The following MTRFR variants were observed in gnomAD, a reference collection of about 807,000 sequenced individuals.
MTRFR encodes the protein probable peptide chain release factor C12orf65, mitochondrial.
A neutral mutation model predicts 11.9 loss-of-function variants in MTRFR; 10 were observed. The observed-to-expected ratio is 0.84, with a 90% confidence interval of 0.52 to 1.42. The LOEUF is 1.42. Ranked by LOEUF, MTRFR falls within the 40% of genes most tolerant of loss-of-function variation. MTRFR has a pLI of 0.00. For missense variants in MTRFR, 196 were observed against 197.9 expected (o/e 0.99, Z 0.06); for synonymous variants, 77 against 79.1 (o/e 0.97, Z 0.14).
rs2048150273 is a variant in MTRFR, at chr12:123,253,954, A to G, written c.280A>G (p.Lys94Glu). ...GCACATCCCCTCAGGCATCGTTGTAAAGGTAGATCACAGAAGGCCGCTGAG... is the reference window on the plus strand; with the variant it reads ...GCACATCCCCTCAGGCATCGTTGTAGAGGTAGATCACAGAAGGCCGCTGAG... ...LKHIPSGIVV[K>E]CHQTRSVDQN... Residue 94 changes from lysine (K) to glutamate (E), a missense_variant and splice_region_variant, in exon 2 of 3, where the codon AAG becomes GAG. Transcript: ENST00000253233. 1.1e-5 allele frequency: 18 copies of G among 1,614,154 alleles called. No homozygotes were observed. The highest frequency in any genetic ancestry group is 1.5e-5 in the Non-Finnish European group (18 of 1,180,012).
At chr12:123,251,200 GC>G (rs2048107554) in intron 1 of MTRFR, 1 of 152,352 alleles carries the variant, frequency 6.6e-6, no homozygotes. Flanking sequence ...CCCCACAACT[GC>G]CCCGAGTCTG....
chr12:123,247,514 C>T (rs1593281968), intron 1 of MTRFR, among the ~76,000 whole-genome samples: 1 of 152,154 alleles, frequency 6.6e-6, no homozygotes, highest in East Asian at 1.9e-4. Flanking sequence ...TTTTTCCACC[C>T]CTTTAAGTTT....
At position 123,256,931 on chromosome 12, in the gene MTRFR, C is replaced by T. The variant is rs777262448; in HGVS notation, c.401C>T (p.Ala134Val). The T allele has an allele frequency of 9.3e-6, 15 of 1,612,784 alleles. No individual in the cohort carries two copies. In the East Asian group the frequency reaches 1.3e-4, roughly 14 times the overall value. ...CCTGTTCACAAAGAAAAACGAGAAG[C>T]GGCGAAGAAAAAACAAGAAAGGAAA... ...NSPVHKEKREAAKKKQERKKR... is the reference protein window; with the variant it reads ...NSPVHKEKREVAKKKQERKKR... Residue 134 changes from alanine to valine, a missense_variant, in exon 3 of 3, where the codon GCG becomes GTG. Physicochemically the swap from Ala to Val is moderately conservative, Grantham distance 64. Transcript: ENST00000253233.
At chr12:123,235,280 G>A (rs946183965) in intron 1 of MTRFR, among the ~76,000 whole-genome samples, 2 of 152,190 alleles carry the variant, frequency 1.3e-5, no homozygotes, top group South Asian at 4.1e-4. Context: ...GTGGCATTGA[G>A]ACATTGAACG....
chr12:123,243,268 C>T (rs1379498065), intron 1 of MTRFR, among the ~76,000 whole-genome samples: 2 of 151,552 alleles, frequency 1.3e-5, no homozygotes, highest in African/African-American at 4.9e-5. Flanking sequence ...CAATGGCTCA[C>T]GCCTGTAATC....
intron 2 of MTRFR, among the ~76,000 whole-genome samples, chr12:123,256,048 G>A (rs753474858): frequency 3.9e-5 from 6 of 152,158 alleles, no homozygotes; most frequent in African/African-American, 9.7e-5. Flanking sequence ...TTATAGGTGT[G>A]AGCCACTATG....
chr12:123,243,039 G>A (rs1302051214), intron 1 of MTRFR, among the ~76,000 whole-genome samples: 1 of 152,176 alleles, frequency 6.6e-6, no homozygotes, highest in Non-Finnish European at 1.5e-5. Context: ...TCGTAGGTAA[G>A]GTGATTCTTA....
At chr12:123,241,399 G>A (rs749093283) in intron 1 of MTRFR, among the ~76,000 whole-genome samples, 4 of 152,096 alleles carry the variant, frequency 2.6e-5, no homozygotes, top group South Asian at 4.1e-4. Flanking sequence ...GCGCAATGGC[G>A]TGATCTCGGC....
intron 1 of MTRFR, among the ~76,000 whole-genome samples, chr12:123,242,061 G>C (rs569443502): frequency 6.6e-6 from 1 of 152,324 alleles, no homozygotes; most frequent in African/African-American, 2.4e-5. Flanking sequence ...TAGGCTCTCT[G>C]AAGCCCATGC....
intron 1 of MTRFR, among the ~76,000 whole-genome samples, chr12:123,243,529 C>T (rs1458684619): frequency 8.5e-6 from 1 of 117,794 alleles, no homozygotes; most frequent in Admixed American, 8.4e-5. Context: ...GACTCCGTCT[C>T]AAAAAAAAAA....
rs185284989 is a variant in MTRFR at position 123,255,582 on chromosome 12, G to A, written c.283-1231G>A. ...AGCAATCCTCCCGCCTCGGCCTCCC[G>A]AGTAGCTGGGACTGCAGGCATGCCC... On this transcript the variant is annotated intron_variant, in intron 2 of 2. Transcript: ENST00000253233. Among the ~76,000 whole-genome samples the A allele has an allele frequency of 9.4e-3, 1,426 of 151,940 alleles. 10 individuals carry two copies. The highest frequency in any genetic ancestry group is 0.019 in the South Asian group (93 of 4,812).
At chr12:123,254,101 G>T (rs1593287912) in intron 2 of MTRFR, 145 bp downstream of exon 2, 2 of 927,668 alleles carry the variant, frequency 2.2e-6, no homozygotes, top group Non-Finnish European at 3.2e-6. Context: ...GCAGTAGAGA[G>T]CACCGCAGAT....
intron 1 of MTRFR, chr12:123,252,090 C>G (rs978222251): frequency 6.6e-6 from 1 of 152,246 alleles, no homozygotes; most frequent in Non-Finnish European, 1.5e-5. Flanking sequence ...AGAAGACAGT[C>G]CAGCTCTTTT....
At chr12:123,251,644 C>T (rs2048112768) in intron 1 of MTRFR, 1 of 152,786 alleles carries the variant, frequency 6.5e-6, no homozygotes. Flanking sequence ...AGAGGAGGAT[C>T]TCCCTTTCCC....
intron 1 of MTRFR, among the ~76,000 whole-genome samples, chr12:123,234,688 C>T (rs183567175): frequency 6.6e-6 from 1 of 152,186 alleles, no homozygotes; most frequent in Non-Finnish European, 1.5e-5. Flanking sequence ...TGAGCCACCA[C>T]GCCTGGCAAT....
chr12:123,246,640 A>C (rs2048044414), intron 1 of MTRFR, among the ~76,000 whole-genome samples: 1 of 147,060 alleles, frequency 6.8e-6, no homozygotes, highest in African/African-American at 2.6e-5. Context: ...ATGGTTTTGA[A>C]GGTTCCTTTT....
rs183907333 is a variant in MTRFR at position 123,252,781 on chromosome 12, C to T, written c.-28-866C>T. Reference sequence around the variant, plus strand: ...CTCTACTAAAAATACAAAAATTAGCCGGGTGTGGTGGCACACGCCTGTAAT... The same window carrying T: ...CTCTACTAAAAATACAAAAATTAGCTGGGTGTGGTGGCACACGCCTGTAAT... On this transcript the variant is annotated intron_variant, in intron 1 of 2. Transcript: ENST00000253233. 3.9e-5 allele frequency among the ~76,000 whole-genome samples: 6 copies of T among 152,128 alleles called. No homozygotes were observed. The East Asian group carries it at 7.8e-4, about 20-fold the overall frequency.
chr12:123,239,569 AT>A (rs1408375668), intron 1 of MTRFR, among the ~76,000 whole-genome samples: 1 of 151,780 alleles, frequency 6.6e-6, no homozygotes, highest in Non-Finnish European at 1.5e-5. Context: ...TGCCCAGCTA[AT>A]TTTTTGTATT....
At chr12:123,233,405 TAGATA>T (rs1249739472), upstream of MTRFR, 1 of 152,234 alleles carries the variant, frequency 6.6e-6, no homozygotes, top group African/African-American at 2.4e-5. Context: ...GAGCCTCTGG[TAGATA>T]AGAGAAACCG....
Sources: allele counts gnomAD v4.1 joint callset (sites outside exome capture counted in the v4.1 genomes callset), GRCh38; gene constraint gnomAD v4.1.1; transcripts MANE v1.5; gene names NCBI Gene and HGNC (gene_info 2026-07-23, HGNC 2026-07-21).